Variants in THRB observed in about 807,000 individuals in gnomAD.
THRB encodes thyroid hormone receptor beta, also known as nuclear receptor subfamily 1 group A member 2.
In THRB, 12 loss-of-function variants were observed where a neutral mutation model predicts 47.8. That is an observed-to-expected ratio of 0.25 (90% CI 0.16 to 0.41). THRB has a LOEUF of 0.41. THRB is among the 10% of genes least tolerant of loss of function. The probability of loss-of-function intolerance (pLI) is 1.00; values close to 1 mark genes in which losing one functional copy is unlikely to be tolerated. For synonymous variants in THRB, 218 were observed against 212.2 expected (o/e 1.03, Z -0.24); for missense variants, 348 against 589.2 (o/e 0.59, Z 4.24).
chr3:24,192,325 G>A (rs894451342), intron 4 of THRB, among the ~76,000 whole-genome samples: 2 of 152,112 alleles, frequency 1.3e-5, no homozygotes, highest in Admixed American at 1.3e-4. Flanking sequence ...TGGGCCTAAT[G>A]AGATTGATTT....
intron 2 of THRB, among the ~76,000 whole-genome samples, chr3:24,321,298 C>T (rs2058467699): frequency 6.6e-6 from 1 of 152,142 alleles, no homozygotes; most frequent in Admixed American, 6.6e-5. Flanking sequence ...AGGGTCTCTT[C>T]ATCTGGTTTC....
At chr3:24,306,929 A>G (rs1420090923) in intron 2 of THRB, among the ~76,000 whole-genome samples, 1 of 152,142 alleles carries the variant, frequency 6.6e-6, no homozygotes, top group Non-Finnish European at 1.5e-5. Flanking sequence ...TAATTAGTCT[A>G]TCATATCTGG....
intron 1 of THRB, among the ~76,000 whole-genome samples, chr3:24,346,498 A>G (rs1284220143): frequency 6.6e-6 from 1 of 152,068 alleles, no homozygotes; most frequent in Admixed American, 6.6e-5. Context: ...TAAAATGCAG[A>G]AAAACAGTTC....
Position 24,432,926 on chromosome 3 carries a change from T to G in THRB, c.-261+61726A>C, listed in dbSNP as rs985107750. On this transcript the variant is annotated intron_variant, in intron 1 of 10. Coordinates refer to ENST00000646209, the MANE Select transcript of THRB (RefSeq NM_001354712.2). ...TAAGAATGTTTAGAATTTCCATTTT[T>G]CCTATAATGGTTTATATTTTATAAT... Among the ~76,000 whole-genome samples the G allele has an allele frequency of 2.0e-5, 3 of 152,230 alleles. No homozygotes were observed. In the South Asian group the frequency reaches 6.2e-4, roughly 32 times the overall value.
At chr3:24,144,021 A>C (rs369422259) in intron 7 of THRB, 326 of 412,838 alleles carry the variant, frequency 7.9e-4, no homozygotes, top group African/African-American at 6.4e-3. Flanking sequence ...AGAGAGGTAA[A>C]ATCCATACTA....
chr3:24,301,412 T>A, intron 2 of THRB, among the ~76,000 whole-genome samples: 1 of 152,222 alleles, frequency 6.6e-6, no homozygotes, highest in East Asian at 1.9e-4. Flanking sequence ...ACTTATATCT[T>A]TTCCCCATTT....
intron 1 of THRB, among the ~76,000 whole-genome samples, chr3:24,367,443 C>T (rs1366471162): frequency 1.3e-5 from 2 of 152,126 alleles, no homozygotes; most frequent in African/African-American, 4.8e-5. Flanking sequence ...ATTCCTTAGG[C>T]TTATTTCCTC....
chr3:24,241,699 T>C (rs2049527792), intron 3 of THRB, among the ~76,000 whole-genome samples: 1 of 152,176 alleles, frequency 6.6e-6, no homozygotes, highest in Admixed American at 6.5e-5. Context: ...TGAACCCTCC[T>C]TGCCTGCCCC....
chr3:24,377,332 T>C (rs1300775552), intron 1 of THRB, among the ~76,000 whole-genome samples: 2 of 152,228 alleles, frequency 1.3e-5, no homozygotes, highest in Admixed American at 1.3e-4. Flanking sequence ...AAATAGGATG[T>C]CCTATTTCTT....
chr3:24,436,473 G>GCA lies in THRB; in HGVS notation c.-261+58177_-261+58178dup, dbSNP rs555084268. On this transcript the variant is annotated intron_variant, in intron 1 of 10. Transcript: ENST00000646209. ...GTTTCTTAAAATATATAGATAGTAT[G>GCA]CACACACACACACACAAATGCACAC... Among the ~76,000 whole-genome samples, 763 of 151,214 alleles carry GCA rather than the reference G, an allele frequency of 5.0e-3. 7 individuals carry two copies. The highest frequency in any genetic ancestry group is 0.018 in the African/African-American group (728 of 41,282).
intron 2 of THRB, among the ~76,000 whole-genome samples, chr3:24,334,506 C>T (rs973631096): frequency 6.6e-6 from 1 of 151,970 alleles, no homozygotes; most frequent in African/African-American, 2.4e-5. Flanking sequence ...ACATAAAATC[C>T]CAAATTAAAG....
chr3:24,268,745 G>A (rs1418444905), intron 3 of THRB, among the ~76,000 whole-genome samples: 1 of 152,038 alleles, frequency 6.6e-6, no homozygotes, highest in East Asian at 1.9e-4. Flanking sequence ...GTTTGTGCCT[G>A]TTATCTCTGG....
At chr3:24,450,431 C>T (rs1577660504) in intron 1 of THRB, among the ~76,000 whole-genome samples, 1 of 152,162 alleles carries the variant, frequency 6.6e-6, no homozygotes, top group South Asian at 2.1e-4. Flanking sequence ...TGAAAGAAAC[C>T]TCATTACAAA....
chr3:24,145,569 G>GACTA (rs149031588), intron 7 of THRB, among the ~76,000 whole-genome samples: 4,427 of 152,276 alleles, frequency 0.029, 230 homozygotes, highest in African/African-American at 0.1. Context: ...AGGCCTTTAA[G>GACTA]AGATAAAGAT....
chr3:24,197,597 T>G (rs1431010830), intron 4 of THRB, among the ~76,000 whole-genome samples: 2 of 152,220 alleles, frequency 1.3e-5, no homozygotes, highest in Non-Finnish European at 2.9e-5. Context: ...TGCTATAACA[T>G]GATGGGACCT....
chr3:24,206,601 G>C (rs1458807584), intron 4 of THRB, among the ~76,000 whole-genome samples: 2 of 152,150 alleles, frequency 1.3e-5, no homozygotes, highest in Non-Finnish European at 1.5e-5. Context: ...ACTAGGAGAA[G>C]CAAGAGCAGA....
intron 1 of THRB, among the ~76,000 whole-genome samples, chr3:24,445,946 T>G (rs1299850401): frequency 6.6e-6 from 1 of 152,196 alleles, no homozygotes; most frequent in East Asian, 1.9e-4. Context: ...CCTAGTCAAG[T>G]GAACATAAGT....
intron 6 of THRB, among the ~76,000 whole-genome samples, chr3:24,147,343 T>C (rs1386297688): frequency 6.6e-6 from 1 of 152,242 alleles, no homozygotes; most frequent in East Asian, 1.9e-4. Flanking sequence ...TTCCTGGATT[T>C]AGTTTAATAC....
intron 3 of THRB, among the ~76,000 whole-genome samples, chr3:24,246,085 G>A (rs2050087830): frequency 6.6e-6 from 1 of 152,192 alleles, no homozygotes; most frequent in South Asian, 2.1e-4. Context: ...CCCCAAAGAA[G>A]ATAGCATGTC....
Sources: allele counts gnomAD v4.1 joint callset (sites outside exome capture counted in the v4.1 genomes callset), GRCh38; gene constraint gnomAD v4.1.1; transcripts MANE v1.5; gene names NCBI Gene and HGNC (gene_info 2026-07-23, HGNC 2026-07-21).